The following BEAN1 variants were observed in gnomAD, a reference collection of about 807,000 sequenced individuals.
BEAN1 encodes protein BEAN1.
BEAN1 carries 17 observed loss-of-function variants against 17.7 expected under a neutral mutation model. That is an observed-to-expected ratio of 0.96 (90% CI 0.66 to 1.44). The LOEUF is 1.44. Among genes scored for constraint, BEAN1 ranks in the 40% most tolerant of loss-of-function variants. BEAN1 has a pLI of 0.00. For missense variants in BEAN1, 359 were observed against 374.1 expected (o/e 0.96, Z 0.33); for synonymous variants, 142 against 151.8 (o/e 0.94, Z 0.47).
In BEAN1 at chr16:66,480,787, C is replaced by T. The variant is rs1431529876; in HGVS notation, c.642C>T (p.Pro214=). ...ACACGGTCTCCATGGACACCCTTCC[C>T]CCCTACGAGGCTGTGTGCGGGGCTG... is the stretch of plus-strand genomic sequence containing the variant. The part of the protein sequence containing the change: ...GLHTVSMDTL[P]PYEAVCGAGP... Residue 214 remains proline (P), a synonymous_variant, in exon 5 of 5, where the codon CCC becomes CCT. Transcript: ENST00000536005. 1.3e-6 allele frequency: 2 copies of T among 1,550,282 alleles called. No individual in the cohort carries two copies. Among genetic ancestry groups the T allele is most frequent in the Non-Finnish European group, 1.7e-6 (2 of 1,146,486 alleles).
intron 4 of BEAN1, among the ~76,000 whole-genome samples, 198 bp from the exon 5 acceptor site, chr16:66,480,388 A>G (rs1389807817): frequency 1.3e-5 from 2 of 152,146 alleles, no homozygotes; most frequent in African/African-American, 4.8e-5. Flanking sequence ...GTCAGGTCCC[A>G]AATCCAGGTC....
At chr16:66,495,248 G>A (rs1255824107), downstream of BEAN1, among the ~76,000 whole-genome samples, 1 of 152,140 alleles carries the variant, frequency 6.6e-6, no homozygotes, top group African/African-American at 2.4e-5. Context: ...GGGCAGCACA[G>A]GGCACGCTGG....
intron 1 of BEAN1, among the ~76,000 whole-genome samples, chr16:66,430,909 ATTATTG>A (rs1427677281): frequency 1.3e-5 from 2 of 152,324 alleles, no homozygotes; most frequent in Non-Finnish European, 2.9e-5. Context: ...CATATGGTCT[ATTATTG>A]TTATTATTTT....
chr16:66,484,000 C>T (rs560483051), downstream of BEAN1: 1 of 158,240 alleles, frequency 6.3e-6, no homozygotes, highest in South Asian at 1.8e-4. Flanking sequence ...CAATACCCAC[C>T]AGCACTCATA....
intron 2 of BEAN1, among the ~76,000 whole-genome samples, chr16:66,453,997 G>A (rs1960609300): frequency 6.6e-6 from 1 of 152,202 alleles, no homozygotes; most frequent in Admixed American, 6.5e-5. Context: ...GCCTCCCAAA[G>A]TGCTGGGATT....
chr16:66,432,238 C>T (rs866888284), intron 1 of BEAN1, among the ~76,000 whole-genome samples: 30 of 152,310 alleles, frequency 2.0e-4, no homozygotes, highest in Admixed American at 5.9e-4. Context: ...CTCCTAAATT[C>T]ATAGATTCCT....
intron 2 of BEAN1, among the ~76,000 whole-genome samples, chr16:66,443,419 G>A (rs1962331696): frequency 6.6e-6 from 1 of 152,188 alleles, no homozygotes; most frequent in Admixed American, 6.5e-5. Flanking sequence ...AGAAAATGGT[G>A]CGGTCAGGGC....
At chr16:66,474,583 AGGGAGGGAGGGAGGGAGGGAGAG>A (rs1963631054) in intron 3 of BEAN1, among the ~76,000 whole-genome samples, 1 of 12,912 alleles carries the variant, frequency 7.7e-5, no homozygotes, top group African/African-American at 4.2e-4. Context: ...GGAGGGAGAG[AGGGAGGGAGGGAGGGAGGGAGAG>A]AGGGAGGGAG....
chr16:66,458,765 C>T (rs1454231315), intron 2 of BEAN1, among the ~76,000 whole-genome samples: 2 of 152,324 alleles, frequency 1.3e-5, no homozygotes, highest in South Asian at 2.1e-4. Context: ...GGTATCCACA[C>T]AGAGAGGAAG....
intron 2 of BEAN1, among the ~76,000 whole-genome samples, chr16:66,447,279 G>A (rs970769839): frequency 4.6e-5 from 7 of 152,136 alleles, no homozygotes; most frequent in African/African-American, 1.7e-4. Flanking sequence ...GGTGAATGTG[G>A]CCTCATGCAG....
intron 3 of BEAN1, among the ~76,000 whole-genome samples, chr16:66,472,440 A>G (rs1396967757): frequency 6.6e-6 from 1 of 152,258 alleles, no homozygotes; most frequent in East Asian, 1.9e-4. Flanking sequence ...GCGGTGGCTC[A>G]TGCCTGTAAT....
intron 1 of BEAN1, among the ~76,000 whole-genome samples, chr16:66,428,775 C>T (rs922798878): frequency 1.3e-5 from 2 of 152,140 alleles, no homozygotes; most frequent in African/African-American, 4.8e-5. Context: ...AGATTCAGTG[C>T]CTCTGAATCT....
In BEAN1 at chr16:66,461,366, G is replaced by A. The variant is rs116781204; in HGVS notation, c.26-8236G>A. Among the ~76,000 whole-genome samples, 1,403 of 152,248 alleles carry A rather than the reference G, an allele frequency of 9.2e-3. 20 individuals carry two copies. The highest frequency in any genetic ancestry group is 0.031 in the African/African-American group (1,305 of 41,538). ...TAATTTCCTAGCTGTCCAAGCAGGCGGATGCCTGCACCAGCTGGCTCCATC... is the reference window on the plus strand; with the variant it reads ...TAATTTCCTAGCTGTCCAAGCAGGCAGATGCCTGCACCAGCTGGCTCCATC... On this transcript the variant is annotated intron_variant, in intron 2 of 4. Transcript: ENST00000536005.
intron 2 of BEAN1, 31 bp from the exon 3 acceptor site, chr16:66,469,571 C>A: frequency 6.6e-7 from 1 of 1,523,984 alleles, no homozygotes; most frequent in South Asian, 1.2e-5. Context: ...GGCCTGGGCT[C>A]CAGCTCAGTG....
Position 66,469,774 on chromosome 16 carries a change from G to T in BEAN1, c.198G>T (p.Arg66=), listed in dbSNP as rs377695318. The change falls in exon 3 of 5, where the codon CGG becomes CGT. Residue 66 remains arginine (R), a synonymous_variant. Coordinates refer to ENST00000536005, the MANE Select transcript of BEAN1 (RefSeq NM_001178020.3). The stretch of plus-strand genomic sequence containing the variant: ...GCATCCGCAGGGACAGGCAGGCCCG[G>T]CTTCAGCGGCACCGCCACCGCCACC... The part of the protein sequence containing the change: ...VGSIRRDRQA[R]LQRHRHRHHR... 3 of 1,535,916 alleles carry T rather than the reference G, an allele frequency of 2.0e-6. No homozygotes were observed. Among genetic ancestry groups the T allele is most frequent in the East Asian group, 2.4e-5 (1 of 40,916 alleles).
At chr16:66,478,526 C>T (rs1273397996) in intron 4 of BEAN1, among the ~76,000 whole-genome samples, 1 of 152,280 alleles carries the variant, frequency 6.6e-6, no homozygotes, top group South Asian at 2.1e-4. Context: ...CGCTTGAACC[C>T]GGGAGGCGGA....
intron 2 of BEAN1, among the ~76,000 whole-genome samples, chr16:66,446,899 C>G (rs1172659220): frequency 6.6e-6 from 1 of 152,118 alleles, no homozygotes; most frequent in Non-Finnish European, 1.5e-5. Context: ...GACCTGTGCC[C>G]AGGTGATTGG....
At chr16:66,486,697 T>G (rs1225930519), downstream of BEAN1, among the ~76,000 whole-genome samples, 1 of 152,030 alleles carries the variant, frequency 6.6e-6, no homozygotes, top group Non-Finnish European at 1.5e-5. Flanking sequence ...CTGGAATGGG[T>G]TCTGCAAAGA....
At chr16:66,431,855 G>A (rs1423125343) in intron 1 of BEAN1, among the ~76,000 whole-genome samples, 1 of 151,776 alleles carries the variant, frequency 6.6e-6, no homozygotes, top group Non-Finnish European at 1.5e-5. Flanking sequence ...GTCCCAGGCT[G>A]GAGTGCAGTG....
Sources: gnomAD v4.1 joint callset for allele counts (sites outside exome capture counted in the v4.1 genomes callset) on GRCh38, gnomAD v4.1.1 for gene constraint, MANE v1.5 for transcripts, NCBI Gene and HGNC (gene_info 2026-07-23, HGNC 2026-07-21) for gene names.